DNAJC10: variants seen among roughly 807,000 people sequenced by gnomAD.
DNAJC10 encodes DnaJ heat shock protein family (Hsp40) member C10.
Under a neutral mutation model 115.0 loss-of-function variants are expected in DNAJC10, and 101 were observed. The ratio of observed to expected loss-of-function variants is 0.88; its 90% CI spans 0.75 to 1.04. The LOEUF (loss-of-function observed/expected upper bound fraction) is 1.04. Ranked by LOEUF, DNAJC10 falls within the 50% of genes least tolerant of loss-of-function variation. The pLI, the probability that DNAJC10 is intolerant of heterozygous loss-of-function variation, is 0.00. For synonymous variants in DNAJC10, 307 were observed against 301.5 expected (o/e 1.02, Z -0.19); for missense variants, 981 against 928.8 (o/e 1.06, Z -0.73).
At chr2:182,753,959 T>TA (rs773216960) in intron 16 of DNAJC10, among the ~76,000 whole-genome samples, 12 of 152,198 alleles carry the variant, frequency 7.9e-5, no homozygotes, top group Non-Finnish European at 1.5e-4. Context: ...AAAACTATGA[T>TA]ATCGATTTAC....
rs1230031504 is a variant in DNAJC10, at chr2:182,778,775, G to A, written c.*1643G>A. 6.6e-6 allele frequency: 1 copy of A among 152,152 alleles called. No individual in the cohort carries two copies. The highest frequency in any genetic ancestry group is 6.6e-5 in the Admixed American group (1 of 15,266). The allele number at this position is 152,152 out of a possible 1,614,324, so 9.4% of individuals were successfully genotyped here. On this transcript the variant is annotated 3_prime_UTR_variant, in exon 24 of 24. Coordinates refer to ENST00000264065, the MANE Select transcript of DNAJC10 (RefSeq NM_018981.4). Reference sequence around the variant, plus strand: ...GCTTTTTGAATTATGATCAGTAATGGCAAGAGCCTTTCATTCTCGAATGTT... The same window carrying A: ...GCTTTTTGAATTATGATCAGTAATGACAAGAGCCTTTCATTCTCGAATGTT...
Position 182,720,089 on chromosome 2 carries a change from A to G in DNAJC10, c.287A>G (p.Tyr96Cys), listed in dbSNP as rs748462996. 2 of 1,610,634 alleles carry G rather than the reference A, an allele frequency of 1.2e-6. No individual in the cohort carries two copies. The highest frequency in any genetic ancestry group is 1.1e-5 in the South Asian group (1 of 90,912). The change falls in exon 4 of 24, where the codon TAT (tyrosine) becomes TGT (cysteine). Residue 96 changes from tyrosine to cysteine, a missense_variant. By Grantham distance (194) the Tyr-to-Cys change is radical. Transcript: ENST00000264065. ...VLKDEDLRKKYDKYGEKGLED... is the reference protein window; with the variant it reads ...VLKDEDLRKKCDKYGEKGLED... Reference sequence around the variant, plus strand: ...AAAGATGAAGATCTACGGAAAAAGTATGACAAATATGGAGAAAAGGGACTT... The same window carrying G: ...AAAGATGAAGATCTACGGAAAAAGTGTGACAAATATGGAGAAAAGGGACTT...
rs772723306 is a variant in DNAJC10 at position 182,722,000 on chromosome 2, A to G, written c.368-25A>G. On this transcript the variant is annotated intron_variant, in intron 4 of 23. Transcript: ENST00000264065. ...TTATATGGTGAAGTTTTGATTTTATAATTTTTATATACTTTTAAAATTAGG... is the reference window on the plus strand; with the variant it reads ...TTATATGGTGAAGTTTTGATTTTATGATTTTTATATACTTTTAAAATTAGG... 2.7e-5 allele frequency: 36 copies of G among 1,344,286 alleles called. No individual in the cohort carries two copies. In the Admixed American group the frequency reaches 8.5e-4, roughly 32 times the overall value. 83.3% of individuals were successfully genotyped at this position (1,344,286 alleles called of 1,614,324 possible). A position where few individuals can be genotyped will look rare whatever the true frequency, so the allele number is the denominator to read the frequency against.
In DNAJC10 at chr2:182,777,114, AT is replaced by A; in HGVS notation, c.2371-5del. On this transcript the variant is annotated splice_polypyrimidine_tract_variant and splice_region_variant and intron_variant, in intron 23 of 23. Coordinates refer to ENST00000264065, the MANE Select transcript of DNAJC10 (RefSeq NM_018981.4). ...CTTTCTCTATCGCCTTTACATTATT[AT>A]TATAGGATGAACTTTGATAATGTTG... The A allele has an allele frequency of 7.1e-7, 1 of 1,412,502 alleles. No individual in the cohort carries two copies. Among genetic ancestry groups the A allele is most frequent in the Non-Finnish European group, 9.5e-7 (1 of 1,050,546 alleles). 87.5% of individuals were successfully genotyped at this position (1,412,502 alleles called of 1,614,324 possible).
intron 5 of DNAJC10, among the ~76,000 whole-genome samples, chr2:182,726,182 G>A (rs1442319371): frequency 6.6e-6 from 1 of 152,100 alleles, no homozygotes; most frequent in East Asian, 1.9e-4. Flanking sequence ...CTTCAATGGA[G>A]GATGTAACTG....
intron 10 of DNAJC10, among the ~76,000 whole-genome samples, chr2:182,733,007 T>G (rs1431667708): frequency 1.3e-5 from 2 of 151,956 alleles, no homozygotes; most frequent in Non-Finnish European, 2.9e-5. Context: ...TGGAAATTCT[T>G]TGTGAGCTTG....
chr2:182,752,623 G>A (rs1694052089), intron 16 of DNAJC10: 1 of 894,278 alleles, frequency 1.1e-6, no homozygotes, highest in African/African-American at 1.8e-5. Flanking sequence ...TATTTTCTCA[G>A]GTAAATATTC....
At chr2:182,751,366 C>CAGAT (rs1367200940) in intron 14 of DNAJC10, among the ~76,000 whole-genome samples, 1 of 151,884 alleles carries the variant, frequency 6.6e-6, no homozygotes, top group African/African-American at 2.4e-5. Flanking sequence ...GATCTCTTGA[C>CAGAT]CTCGTGATCT....
In DNAJC10 at chr2:182,755,694, G is replaced by C. The variant is rs112715728; in HGVS notation, c.1653+590G>C. On this transcript the variant is annotated intron_variant, in intron 17 of 23. Coordinates refer to ENST00000264065, the MANE Select transcript of DNAJC10 (RefSeq NM_018981.4). ...ATTTGGAACAAAGAATCTGTAGAAA[G>C]GTGTAGTATCTCCAGTCAGAATGTC... is the stretch of plus-strand genomic sequence containing the variant. 7.0e-4 allele frequency among the ~76,000 whole-genome samples: 107 copies of C among 152,264 alleles called. 1 individual carries two copies. The highest frequency in any genetic ancestry group is 2.5e-3 in the African/African-American group (105 of 41,552).
rs1668161371 is a variant in DNAJC10, at chr2:182,785,601, T to G, written c.*8469T>G. 1 of 152,098 alleles carries G rather than the reference T, an allele frequency of 6.6e-6. No individual in the cohort carries two copies. The highest frequency in any genetic ancestry group is 1.5e-5 in the Non-Finnish European group (1 of 67,992). 9.4% of individuals were successfully genotyped at this position (152,098 alleles called of 1,614,324 possible). A position where few individuals can be genotyped will look rare whatever the true frequency, so the allele number is the denominator to read the frequency against. ...TCAATGTGCAGGCAAGAATCGGGAA[T>G]GTGGGAAATTTTGTAGGACAAATGG... On this transcript the variant is annotated 3_prime_UTR_variant, in exon 24 of 24. Coordinates refer to ENST00000264065, the MANE Select transcript of DNAJC10 (RefSeq NM_018981.4).
intron 16 of DNAJC10, 42 bp from the exon 17 acceptor site, chr2:182,754,961 G>A (rs1189634389): frequency 2.1e-6 from 3 of 1,421,500 alleles, no homozygotes; most frequent in African/African-American, 2.8e-5. Flanking sequence ...ACAAATAGGT[G>A]AAATCTATAA....
In DNAJC10 at chr2:182,785,266, TAAAAC is replaced by T; in HGVS notation, c.*8136_*8140del. On this transcript the variant is annotated 3_prime_UTR_variant, in exon 24 of 24. Transcript: ENST00000264065. ...GTATAAATGGATCACTTCTAATAAA[TAAAAC>T]ATAAAATTGGACTAATAGCTTAATT... 6.6e-6 allele frequency: 1 copy of T among 152,162 alleles called. No homozygotes were observed. Among genetic ancestry groups the T allele is most frequent in the Admixed American group, 6.6e-5 (1 of 15,264 alleles). 9.4% of individuals were successfully genotyped at this position (152,162 alleles called of 1,614,324 possible).
chr2:182,752,760 T>A (rs1694056351), intron 16 of DNAJC10: 2 of 162,660 alleles, frequency 1.2e-5, no homozygotes, highest in Admixed American at 6.6e-5. Context: ...TCTCCAGATC[T>A]ATTAGTCTTT....
intron 22 of DNAJC10, among the ~76,000 whole-genome samples, chr2:182,770,137 T>G (rs1053623414): frequency 7.2e-5 from 11 of 152,190 alleles, no homozygotes; most frequent in Admixed American, 6.5e-4. Context: ...ATGTGTGGTG[T>G]TATTTCTGAG....
intron 22 of DNAJC10, among the ~76,000 whole-genome samples, chr2:182,768,196 A>C (rs6731059): frequency 0.16 from 23,852 of 152,080 alleles, 4,614 homozygotes; most frequent in African/African-American, 0.46. Flanking sequence ...ATCTAGAGCA[A>C]GCAGAACTTG....
rs1695071695 is a variant in DNAJC10 at position 182,792,602 on chromosome 2, GTTTC to G, written c.*15477_*15480del. 1 of 152,196 alleles carries G rather than the reference GTTTC, an allele frequency of 6.6e-6. No individual in the cohort carries two copies. The highest frequency in any genetic ancestry group is 2.1e-4 in the South Asian group (1 of 4,836). 9.4% of individuals were successfully genotyped at this position (152,196 alleles called of 1,614,324 possible). A position where few individuals can be genotyped will look rare whatever the true frequency, so the allele number is the denominator to read the frequency against. ...AAGCAGTCCATCTAAATGCATGCCA[GTTTC>G]TTTCTTGATAAATTAGAGGCCTATA... On this transcript the variant is annotated 3_prime_UTR_variant, in exon 24 of 24. Transcript: ENST00000264065.
chr2:182,740,801 G>A (rs1419924680), intron 12 of DNAJC10, among the ~76,000 whole-genome samples: 1 of 151,906 alleles, frequency 6.6e-6, no homozygotes, highest in Non-Finnish European at 1.5e-5. Flanking sequence ...TATTAGGTTG[G>A]TGCAAAAGTA....
chr2:182,759,179 A>G lies in DNAJC10; in HGVS notation c.2017A>G (p.Thr673Ala). The G allele has an allele frequency of 6.3e-7, 1 of 1,587,712 alleles. No individual in the cohort carries two copies. The highest frequency in any genetic ancestry group is 8.5e-7 in the Non-Finnish European group (1 of 1,173,128). The change falls in exon 21 of 24, where the codon ACA (threonine) becomes GCA (alanine). Residue 673 changes from threonine to alanine, a missense_variant. Physicochemically the swap from Thr to Ala is moderately conservative, Grantham distance 58 (BLOSUM62 0). Transcript: ENST00000264065. ...CCACAGATTTTTACCTCAAGTATCC[A>G]CAGATCTAACACCTCAGACTTTCAG... Reference protein sequence around the residue: ...WGLGFLPQVSTDLTPQTFSEK... With the variant: ...WGLGFLPQVSADLTPQTFSEK...
chr2:182,745,810 C>T (rs909604122), intron 14 of DNAJC10, among the ~76,000 whole-genome samples: 1 of 150,952 alleles, frequency 6.6e-6, no homozygotes, highest in African/African-American at 2.4e-5. Flanking sequence ...CATATGTATA[C>T]ATGTGCCATG....
Sources: allele counts gnomAD v4.1 joint callset (sites outside exome capture counted in the v4.1 genomes callset), GRCh38; gene constraint gnomAD v4.1.1; transcripts MANE v1.5; gene names NCBI Gene and HGNC (gene_info 2026-07-23, HGNC 2026-07-21).